PRORP: variants seen among roughly 807,000 people sequenced by gnomAD.
PRORP encodes the protein protein only RNase P catalytic subunit.
A neutral mutation model predicts 59.4 loss-of-function variants in PRORP; 51 were observed. The observed-to-expected ratio is 0.86, with a 90% CI of 0.69 to 1.08. The LOEUF (loss-of-function observed/expected upper bound fraction) is 1.08, where lower values mean the gene tolerates loss of function less well. Ranked by LOEUF, PRORP falls within the 50% of genes least tolerant of loss-of-function variation. The pLI, the probability that PRORP is intolerant of heterozygous loss-of-function variation, is 0.00. For synonymous variants in PRORP, 231 were observed against 245.6 expected, an observed-to-expected ratio of 0.94 and a Z score of 0.55; for missense variants, 646 against 690.3, an observed-to-expected ratio of 0.94 and a Z score of 0.72.
chr14:35,227,730 TA>T (rs2049970810), intron 5 of PRORP, among the ~76,000 whole-genome samples: 1 of 152,230 alleles, frequency 6.6e-6, no homozygotes, highest in Admixed American at 6.5e-5. Context: ...AATTTGGGCA[TA>T]TTTTAAACTT....
intron 2 of PRORP, among the ~76,000 whole-genome samples, chr14:35,124,842 T>G (rs2047056118): frequency 6.6e-6 from 1 of 150,806 alleles, no homozygotes; most frequent in Admixed American, 6.7e-5. Flanking sequence ...TGAGATAATA[T>G]GCTTATATTT....
Position 35,137,937 on chromosome 14 carries a change from GGTT to G in PRORP, c.1167+10330_1167+10332del, listed in dbSNP as rs569721626. 3.5e-4 allele frequency among the ~76,000 whole-genome samples: 51 copies of G among 145,804 alleles called. 6 individuals carry two copies. The highest frequency in any genetic ancestry group is 6.3e-4 in the Non-Finnish European group (41 of 65,528). The stretch of plus-strand genomic sequence containing the variant: ...TGTGTTGGTTTTGTTTTGGTTGGTT[GGTT>G]GTTTTTTTTCCTCACCATTTGTATT... On this transcript the variant is annotated intron_variant, in intron 4 of 7. Transcript: ENST00000534898.
upstream of PRORP, chr14:35,122,546 C>T (rs926005842): frequency 1.3e-5 from 2 of 154,578 alleles, no homozygotes; most frequent in Non-Finnish European, 2.9e-5. Flanking sequence ...GCATCGTGGG[C>T]ACTGTAGTTT....
At chr14:35,195,925 G>C (rs1361385528) in intron 5 of PRORP, among the ~76,000 whole-genome samples, 2 of 152,076 alleles carry the variant, frequency 1.3e-5, no homozygotes, top group Admixed American at 6.5e-5. Context: ...ATGACTTTAA[G>C]AAACATATGT....
intron 5 of PRORP, among the ~76,000 whole-genome samples, chr14:35,181,819 A>T (rs2076563199): frequency 6.6e-6 from 1 of 151,018 alleles, no homozygotes; most frequent in Non-Finnish European, 1.5e-5. Flanking sequence ...TAAAAAGAGT[A>T]GTAAAATACA....
chr14:35,146,248 A>G (rs2047608034), intron 4 of PRORP, among the ~76,000 whole-genome samples: 1 of 152,204 alleles, frequency 6.6e-6, no homozygotes, highest in Admixed American at 6.5e-5. Flanking sequence ...AAAAGAAAAA[A>G]AGGCAGGCAA....
chr14:35,151,343 A>G lies in PRORP; in HGVS notation c.1167+23732A>G, dbSNP rs539617559. On this transcript the variant is annotated intron_variant, in intron 4 of 7. Transcript: ENST00000534898. ...AGTAATACTGGTGCTGAAGACAGAC[A>G]GCTTACTTCTGAAGGAAGAGAAAAC... is the stretch of plus-strand genomic sequence containing the variant. Among the ~76,000 whole-genome samples the G allele has an allele frequency of 6.6e-5, 10 of 152,216 alleles. No homozygotes were observed. The East Asian group carries it at 1.7e-3, about 26-fold the overall frequency.
intron 4 of PRORP, among the ~76,000 whole-genome samples, chr14:35,155,943 C>A (rs1311486166): frequency 6.6e-6 from 1 of 152,162 alleles, no homozygotes; most frequent in Non-Finnish European, 1.5e-5. Context: ...AGAGTCAATT[C>A]TATAAAGGTT....
At chr14:35,216,722 A>C (rs1228656611) in intron 5 of PRORP, among the ~76,000 whole-genome samples, 1 of 152,188 alleles carries the variant, frequency 6.6e-6, no homozygotes, top group Non-Finnish European at 1.5e-5. Flanking sequence ...AAACTGTCAG[A>C]CTTTTTTCTC....
intron 5 of PRORP, among the ~76,000 whole-genome samples, chr14:35,254,983 A>G (rs1019594451): frequency 2.0e-5 from 3 of 151,968 alleles, no homozygotes; most frequent in African/African-American, 7.3e-5. Context: ...CTCTGCTGTC[A>G]CTTCCTCTGT....
At chr14:35,146,935 A>T (rs535789870) in intron 4 of PRORP, among the ~76,000 whole-genome samples, 31 of 150,464 alleles carry the variant, frequency 2.1e-4, no homozygotes, top group East Asian at 3.9e-4. Flanking sequence ...CTACAAAAAA[A>T]TTTTTTTTTT....
At chr14:35,169,456 A>G (rs1394288637) in intron 4 of PRORP, among the ~76,000 whole-genome samples, 4 of 115,840 alleles carry the variant, frequency 3.5e-5, no homozygotes, top group Non-Finnish European at 5.5e-5. Flanking sequence ...TTACAAAGAA[A>G]AGAGGTTTAA....
intron 5 of PRORP, among the ~76,000 whole-genome samples, chr14:35,226,365 G>C (rs1486868824): frequency 6.6e-6 from 1 of 152,184 alleles, no homozygotes; most frequent in Non-Finnish European, 1.5e-5. Flanking sequence ...TGTAAGAAAT[G>C]TTTAGGCAAA....
At chr14:35,122,107 G>A, upstream of PRORP, 4 of 753,202 alleles carry the variant, frequency 5.3e-6, no homozygotes, top group East Asian at 2.7e-5. Flanking sequence ...CTTGGCTAAA[G>A]AGGCAAAAAC....
chr14:35,190,655 G>T (rs1296044676), intron 5 of PRORP, among the ~76,000 whole-genome samples: 1 of 151,944 alleles, frequency 6.6e-6, no homozygotes, highest in Non-Finnish European at 1.5e-5. Flanking sequence ...ACAGGCACGT[G>T]CCACCACGTC....
intron 4 of PRORP, among the ~76,000 whole-genome samples, chr14:35,139,241 G>A (rs927760246): frequency 6.9e-6 from 1 of 145,800 alleles, no homozygotes; most frequent in African/African-American, 2.4e-5. Context: ...ACAGGTGTGA[G>A]CCACCGTGCC....
chr14:35,126,669 A>G, intron 2 of PRORP, 66 bp from the exon 3 acceptor site: 2 of 1,230,746 alleles, frequency 1.6e-6, no homozygotes, highest in East Asian at 4.9e-5. Flanking sequence ...TCCAAATACC[A>G]TGAATATCTT....
intron 5 of PRORP, among the ~76,000 whole-genome samples, chr14:35,243,999 A>G (rs777909109): frequency 6.6e-6 from 1 of 152,192 alleles, no homozygotes; most frequent in Non-Finnish European, 1.5e-5. Flanking sequence ...ACCAAGAACG[A>G]ACTCAGACCA....
At chr14:35,256,725 C>T (rs1331218782) in intron 5 of PRORP, among the ~76,000 whole-genome samples, 4 of 151,832 alleles carry the variant, frequency 2.6e-5, no homozygotes, top group East Asian at 1.9e-4. Flanking sequence ...CAAAATAATC[C>T]GAGAGAAGGA....
Sources: gnomAD v4.1 joint callset for allele counts (sites outside exome capture counted in the v4.1 genomes callset) on GRCh38, gnomAD v4.1.1 for gene constraint, MANE v1.5 for transcripts, NCBI Gene and HGNC (gene_info 2026-07-23, HGNC 2026-07-21) for gene names.